FSD2: variants seen among roughly 807,000 people sequenced by gnomAD.
FSD2 encodes the protein fibronectin type III and SPRY domain containing 2, also known as fibronectin type III and SPRY domain-containing protein 2.
FSD2 carries 71 observed loss-of-function variants against 80.4 expected under a neutral mutation model. That is an observed-to-expected ratio of 0.88 (90% CI 0.73 to 1.08). FSD2 has a LOEUF of 1.08. Among genes scored for constraint, FSD2 ranks in the 50% least tolerant of loss-of-function variants. FSD2 has a pLI of 0.00. For synonymous variants in FSD2, 361 were observed against 329.5 expected, an observed-to-expected ratio of 1.10 and a Z score of -1.03; for missense variants, 923 against 913.8, an observed-to-expected ratio of 1.01 and a Z score of -0.13.
chr15:82,774,636 C>A (rs1424350713), intron 6 of FSD2, among the ~76,000 whole-genome samples: 1 of 152,030 alleles, frequency 6.6e-6, no homozygotes, highest in Non-Finnish European at 1.5e-5. Context: ...GGAGGAACCT[C>A]AGAGAGGTCA....
At chr15:82,763,652 C>T (rs2049340589) in intron 11 of FSD2, among the ~76,000 whole-genome samples, 1 of 134,912 alleles carries the variant, frequency 7.4e-6, no homozygotes, top group African/African-American at 2.8e-5. Flanking sequence ...TAGTCAAGCC[C>T]TCCATAGTCT....
intron 1 of FSD2, among the ~76,000 whole-genome samples, chr15:82,791,651 A>G (rs532900943): frequency 2.9e-4 from 44 of 152,118 alleles, no homozygotes; most frequent in African/African-American, 9.2e-4. Flanking sequence ...AGATTACAGG[A>G]GTGAGCCACT....
intron 6 of FSD2, among the ~76,000 whole-genome samples, chr15:82,775,168 G>T (rs1256175113): frequency 6.6e-6 from 1 of 151,648 alleles, no homozygotes; most frequent in Non-Finnish European, 1.5e-5. Context: ...GGAGGTCGAG[G>T]CAGGTGGGTC....
chr15:82,773,544 C>T (rs974008015), intron 6 of FSD2, among the ~76,000 whole-genome samples: 2 of 152,158 alleles, frequency 1.3e-5, no homozygotes, highest in Non-Finnish European at 2.9e-5. Context: ...AGAAAAATGT[C>T]ACTGCTTCTC....
chr15:82,755,528 A>T lies in FSD2; in HGVS notation c.*3820T>A, dbSNP rs907954021. 1 of 152,176 alleles carries T rather than the reference A, an allele frequency of 6.6e-6. No homozygotes were observed. The highest frequency in any genetic ancestry group is 2.4e-5 in the African/African-American group (1 of 41,438). The allele number at this position is 152,176 out of a possible 1,614,324, so 9.4% of individuals were successfully genotyped here. ...ACCATGATTCTGTCACAGTCTGGGA[A>T]AATGAAAAAGCAATCAATTAGTGAG... On this transcript the variant is annotated 3_prime_UTR_variant, in exon 13 of 13. Transcript: ENST00000334574.
chr15:82,768,961 TC>T lies in FSD2; in HGVS notation c.1471del (p.Glu491SerfsTer5). 1 of 1,607,866 alleles carries T rather than the reference TC, an allele frequency of 6.2e-7. No individual in the cohort carries two copies. The highest frequency in any genetic ancestry group is 1.1e-5 in the South Asian group (1 of 89,466). The stretch of plus-strand genomic sequence containing the variant: ...GTCCACAGGATTCAGGTTCCCAGAC[TC>T]CCAGCAAATCAGCACAGCCTCTTCA... ...SCEEAVLICW[E>X]SGNLNPVDSY... On this transcript the variant is annotated frameshift_variant, in exon 9 of 13. Transcript: ENST00000334574. LOFTEE classifies it high-confidence loss of function.
intron 6 of FSD2, among the ~76,000 whole-genome samples, chr15:82,774,158 T>C (rs1195725039): frequency 6.6e-6 from 1 of 152,182 alleles, no homozygotes; most frequent in East Asian, 1.9e-4. Flanking sequence ...CACTGCAGCC[T>C]TACTCTTGGG....
At chr15:82,768,789 A>T in intron 9 of FSD2, 91 bp downstream of exon 9, 1 of 1,213,336 alleles carries the variant, frequency 8.2e-7, no homozygotes, top group African/African-American at 1.6e-5. Flanking sequence ...AAAAATGCCA[A>T]CCTTCTCTTC....
rs757848487 is a variant in FSD2 at position 82,769,891 on chromosome 15, A to G, written c.1268-7T>C. The G allele has an allele frequency of 6.2e-5, 100 of 1,605,216 alleles. No homozygotes were observed. Among genetic ancestry groups the G allele is most frequent in the Admixed American group, 1.2e-4 (7 of 59,276 alleles). ...TTGACAGTCACTGTAAACTCTGGGG[A>G]AAAAAAAAGATAAGAATTCAACCCT... On this transcript the variant is annotated splice_polypyrimidine_tract_variant and splice_region_variant and intron_variant, in intron 7 of 12. Transcript: ENST00000334574.
At chr15:82,768,186 CTT>C (rs1174454045) in intron 9 of FSD2, among the ~76,000 whole-genome samples, 1 of 152,224 alleles carries the variant, frequency 6.6e-6, no homozygotes, top group Non-Finnish European at 1.5e-5. Flanking sequence ...GCTGCAATCT[CTT>C]TTGTTTTCGC....
rs752388357 is a variant in FSD2 at position 82,762,184 on chromosome 15, C to A, written c.1915G>T (p.Ala639Ser). ...DEHLDYRVGV[A>S]FADVRKQEDL... ...TCCTGTTTACGGACATCTGCAAAGG[C>A]CACACCAACTCTGTAGTCCAAATGC... The change falls in exon 12 of 13, where the codon GCC becomes TCC. Residue 639 changes from alanine to serine, a missense_variant. Transcript: ENST00000334574. 4 of 1,613,574 alleles carry A rather than the reference C, an allele frequency of 2.5e-6. No homozygotes were observed. Among genetic ancestry groups the A allele is most frequent in the Non-Finnish European group, 8.5e-7 (1 of 1,179,782 alleles).
At chr15:82,764,398 G>A (rs1023821321) in intron 11 of FSD2, among the ~76,000 whole-genome samples, 5 of 151,746 alleles carry the variant, frequency 3.3e-5, no homozygotes, top group Admixed American at 6.6e-5. Flanking sequence ...TCTGTAACCC[G>A]GCCCTTAAGC....
rs2049209967 is a variant in FSD2, at chr15:82,758,091, A to G, written c.*1257T>C. ...TGCCCGGCTAATTTTTTGTATTTTT[A>G]GTAGAGACGGGGTTTCGCCAGAAAA... On this transcript the variant is annotated 3_prime_UTR_variant, in exon 13 of 13. Transcript: ENST00000334574. The G allele has an allele frequency of 6.6e-6, 1 of 151,856 alleles. No individual in the cohort carries two copies. The highest frequency in any genetic ancestry group is 2.4e-5 in the African/African-American group (1 of 41,346). 9.4% of individuals were successfully genotyped at this position (151,856 alleles called of 1,614,324 possible).
chr15:82,760,439 C>G (rs2049266316), intron 12 of FSD2, among the ~76,000 whole-genome samples: 1 of 152,088 alleles, frequency 6.6e-6, no homozygotes, highest in South Asian at 2.1e-4. Context: ...ATTTCCTAAC[C>G]CTGCTACCTA....
intron 1 of FSD2, among the ~76,000 whole-genome samples, chr15:82,797,957 C>T (rs2379992): frequency 0.8 from 121,694 of 152,146 alleles, 48,757 homozygotes; most frequent in African/African-American, 0.84. Context: ...CCCAGGAGAA[C>T]AAGAGAAAAT....
intron 6 of FSD2, among the ~76,000 whole-genome samples, chr15:82,778,129 T>C (rs1478727668): frequency 8.7e-5 from 6 of 68,582 alleles, no homozygotes; most frequent in South Asian, 4.8e-4. Context: ...AAAAAAACCA[T>C]ATATATATAT....
chr15:82,760,739 G>A (rs1043654278), intron 12 of FSD2, among the ~76,000 whole-genome samples: 24 of 150,218 alleles, frequency 1.6e-4, no homozygotes, highest in East Asian at 4.0e-4. Context: ...GTGCGTGCAC[G>A]CACACACACA....
chr15:82,800,535 T>C lies in FSD2; in HGVS notation c.-79+5431A>G, dbSNP rs536358003. On this transcript the variant is annotated intron_variant, in intron 1 of 12. Coordinates refer to ENST00000334574, the MANE Select transcript of FSD2 (RefSeq NM_001007122.4). ...GGTGAAACCCCGTCTCTACTAAAAA[T>C]ACAAAAATTAGCTGGGCGTCGTGGT... Among the ~76,000 whole-genome samples the C allele has an allele frequency of 6.6e-5, 10 of 151,558 alleles. No homozygotes were observed. The East Asian group carries it at 1.9e-3, about 30-fold the overall frequency.
chr15:82,762,286 T>C lies in FSD2; in HGVS notation c.1821-8A>G. On this transcript the variant is annotated splice_polypyrimidine_tract_variant and splice_region_variant and intron_variant, in intron 11 of 12. Coordinates refer to ENST00000334574, the MANE Select transcript of FSD2 (RefSeq NM_001007122.4). ...CCCATGACAGCAACACACCTGGTTT[T>C]AGAAAGTGGAAGCATGTGTGATCTG... The C allele has an allele frequency of 6.2e-7, 1 of 1,612,574 alleles. No homozygotes were observed. Among genetic ancestry groups the C allele is most frequent in the Non-Finnish European group, 8.5e-7 (1 of 1,179,168 alleles).
Sources: gnomAD v4.1 joint callset for allele counts (sites outside exome capture counted in the v4.1 genomes callset) on GRCh38, gnomAD v4.1.1 for gene constraint, MANE v1.5 for transcripts, NCBI Gene and HGNC (gene_info 2026-07-23, HGNC 2026-07-21) for gene names.